The following AKAP9 variants were observed in gnomAD, a reference collection of about 807,000 sequenced individuals.
AKAP9 encodes A-kinase anchoring protein 9, also known as A-kinase anchor protein 9.
A neutral mutation model predicts 488.5 loss-of-function variants in AKAP9; 311 were observed. That is an observed-to-expected ratio of 0.64 (90% CI 0.58 to 0.70). The LOEUF (loss-of-function observed/expected upper bound fraction) is 0.70, where lower values mean the gene tolerates loss of function less well. Ranked by LOEUF, AKAP9 falls within the 30% of genes least tolerant of loss-of-function variation. The pLI is 0.00. For missense variants in AKAP9, 4,215 were observed against 4,374.5 expected (o/e 0.96, Z 1.03); for synonymous variants, 1,462 against 1,483.5 (o/e 0.99, Z 0.33).
At chr7:92,024,319 C>T (rs1003369305) in intron 14 of AKAP9, among the ~76,000 whole-genome samples, 2 of 151,184 alleles carry the variant, frequency 1.3e-5, no homozygotes, top group African/African-American at 4.9e-5. Flanking sequence ...GGCTGAGGCA[C>T]GAGAATCACT....
rs77191575 is a variant in AKAP9 at position 92,106,819 on chromosome 7, A to T, written c.11417-474A>T. On this transcript the variant is annotated intron_variant, in intron 47 of 49. Transcript: ENST00000356239. ...ATAGATTTGGTACCCTACACAAAGT[A>T]TTTTGAAATATCATTACACTGAAAC... 2.4e-3 allele frequency among the ~76,000 whole-genome samples: 368 copies of T among 152,346 alleles called. 1 individual carries two copies. The highest frequency in any genetic ancestry group is 8.3e-3 in the African/African-American group (346 of 41,576).
intron 1 of AKAP9, among the ~76,000 whole-genome samples, chr7:91,945,697 A>G (rs572171230): frequency 6.6e-6 from 1 of 152,294 alleles, no homozygotes; most frequent in East Asian, 1.9e-4. Flanking sequence ...TATTAAGTAA[A>G]TATTTTCAGA....
intron 46 of AKAP9, among the ~76,000 whole-genome samples, chr7:92,104,978 TGA>T (rs1818291310): frequency 2.6e-5 from 4 of 152,314 alleles, no homozygotes. Flanking sequence ...AGAGGCTTCA[TGA>T]GAGCGGTGTA....
chr7:91,978,647 A>G lies in AKAP9; in HGVS notation c.307-1642A>G, dbSNP rs144537568. On this transcript the variant is annotated intron_variant, in intron 2 of 49. Coordinates refer to ENST00000356239, the MANE Select transcript of AKAP9 (RefSeq NM_005751.5). The stretch of plus-strand genomic sequence containing the variant: ...TGCTTTTGTAAACTGTAAAGGTGTT[A>G]TAACAAAAGTGGTTATTTTTTCTTT... Among the ~76,000 whole-genome samples the G allele has an allele frequency of 7.2e-5, 11 of 152,348 alleles. No individual in the cohort carries two copies. In the East Asian group the frequency reaches 1.9e-3, roughly 27 times the overall value.
At chr7:91,995,925 A>G in intron 7 of AKAP9, 125 bp downstream of exon 7, 1 of 717,104 alleles carries the variant, frequency 1.4e-6, no homozygotes, top group Admixed American at 2.8e-5. Flanking sequence ...TCTTTGTGTA[A>G]TTTATTTCAA....
At chr7:92,072,078 A>T (rs1391362761) in intron 28 of AKAP9, among the ~76,000 whole-genome samples, 17 of 152,202 alleles carry the variant, frequency 1.1e-4, no homozygotes, top group Admixed American at 1.1e-3. Flanking sequence ...AGTAATTTAT[A>T]TGTTGCCTAA....
In AKAP9 at chr7:92,002,711, G is replaced by A. The variant is rs543078063; in HGVS notation, c.2794G>A (p.Glu932Lys). 5.4e-5 allele frequency: 87 copies of A among 1,613,632 alleles called. 1 individual carries two copies. Among genetic ancestry groups the A allele is most frequent in the Non-Finnish European group, 7.2e-5 (85 of 1,179,710 alleles). The stretch of plus-strand genomic sequence containing the variant: ...TGTAGCAGAAACATTGGAAATGGGT[G>A]AGGTTGTTGAAAAGGATACAACAGA... ...TFVAETLEMGEVVEKDTTELM... is the reference protein window; with the variant it reads ...TFVAETLEMGKVVEKDTTELM... Residue 932 changes from glutamate to lysine, a missense_variant, in exon 8 of 50, where the codon GAG (glutamate) becomes AAG (lysine). Coordinates refer to ENST00000356239, the MANE Select transcript of AKAP9 (RefSeq NM_005751.5).
intron 35 of AKAP9, among the ~76,000 whole-genome samples, 185 bp from the exon 36 acceptor site, chr7:92,085,310 G>A (rs1421813378): frequency 6.6e-6 from 1 of 152,178 alleles, no homozygotes; most frequent in Non-Finnish European, 1.5e-5. Context: ...TGAGAGCTAT[G>A]GAAAGTCATA....
chr7:92,001,428 A>G lies in AKAP9; in HGVS notation c.1511A>G (p.Asp504Gly). 1 of 1,613,860 alleles carries G rather than the reference A, an allele frequency of 6.2e-7. No individual in the cohort carries two copies. Among genetic ancestry groups the G allele is most frequent in the Non-Finnish European group, 8.5e-7 (1 of 1,179,826 alleles). Residue 504 changes from aspartate to glycine, a missense_variant, in exon 8 of 50, where the codon GAT becomes GGT. Transcript: ENST00000356239. ...AINELNIKLQ[D>G]TNSQKEKLKE... ...AATGAACTGAATATAAAATTGCAAGATACTAACTCTCAAAAGGAAAAACTC... is the reference window on the plus strand; with the variant it reads ...AATGAACTGAATATAAAATTGCAAGGTACTAACTCTCAAAAGGAAAAACTC...
rs746465984 is a variant in AKAP9, at chr7:92,042,090, G to T, written c.4962G>T (p.Arg1654Ser). ...DNENLVSERE[R>S]VLLEELEALK... ...AAAACCTGGTTTCAGAGAGAGAGAG[G>T]GTGCTTTTAGAGGAGCTGGAAGCAC... Residue 1654 changes from arginine (R) to serine (S), a missense_variant, in exon 19 of 50, where the codon AGG becomes AGT. Coordinates refer to ENST00000356239, the MANE Select transcript of AKAP9 (RefSeq NM_005751.5). The T allele has an allele frequency of 1.9e-6, 3 of 1,613,702 alleles. No homozygotes were observed. The Admixed American group carries it at 5.0e-5, about 27-fold the overall frequency.
chr7:91,984,646 G>GT (rs565672532), intron 3 of AKAP9, among the ~76,000 whole-genome samples: 157 of 152,116 alleles, frequency 1.0e-3, no homozygotes, highest in African/African-American at 3.7e-3. Context: ...CTTTAAAGTC[G>GT]TTTTTTTCCA....
chr7:91,983,797 C>A (rs574384949), intron 3 of AKAP9, among the ~76,000 whole-genome samples: 1 of 152,336 alleles, frequency 6.6e-6, no homozygotes, highest in East Asian at 1.9e-4. Context: ...TCTCCAGCAT[C>A]TGTTGTTTCC....
At chr7:92,068,170 C>G (rs1347242786) in intron 26 of AKAP9, among the ~76,000 whole-genome samples, 6 of 151,328 alleles carry the variant, frequency 4.0e-5, no homozygotes, top group Non-Finnish European at 7.4e-5. Flanking sequence ...ACCATCCTGG[C>G]TAACACAGTG....
At chr7:92,062,076 A>G (rs910507552) in intron 23 of AKAP9, among the ~76,000 whole-genome samples, 198 bp from the exon 24 acceptor site, 5 of 152,222 alleles carry the variant, frequency 3.3e-5, no homozygotes, top group African/African-American at 7.2e-5. Context: ...AATGGTAAAC[A>G]AGGAAATGTC....
At chr7:91,983,342 G>A (rs1295996006) in intron 3 of AKAP9, among the ~76,000 whole-genome samples, 5 of 152,090 alleles carry the variant, frequency 3.3e-5, no homozygotes, top group African/African-American at 4.8e-5. Context: ...CAGAATGATG[G>A]TTTCCAGCTT....
At chr7:91,987,556 T>C (rs1347408650) in intron 3 of AKAP9, among the ~76,000 whole-genome samples, 1 of 152,224 alleles carries the variant, frequency 6.6e-6, no homozygotes, top group African/African-American at 2.4e-5. Flanking sequence ...AATTTATAGA[T>C]TCACTATGTC....
At chr7:92,018,952 C>T (rs1801933359) in intron 12 of AKAP9, among the ~76,000 whole-genome samples, 1 of 152,168 alleles carries the variant, frequency 6.6e-6, no homozygotes, top group Non-Finnish European at 1.5e-5. Context: ...CTTCTCCTCT[C>T]ATATCAGTTT....
At chr7:91,984,066 T>C (rs1475949746) in intron 3 of AKAP9, among the ~76,000 whole-genome samples, 1 of 152,246 alleles carries the variant, frequency 6.6e-6, no homozygotes, top group Non-Finnish European at 1.5e-5. Flanking sequence ...AAAAATTTTC[T>C]CCCATTCTGT....
At chr7:92,077,443 A>C (rs1193886249) in intron 29 of AKAP9, among the ~76,000 whole-genome samples, 1 of 152,000 alleles carries the variant, frequency 6.6e-6, no homozygotes, top group Non-Finnish European at 1.5e-5. Context: ...ATAATACTCA[A>C]CAGAGGAACA....
Sources: gnomAD v4.1 joint callset for allele counts (sites outside exome capture counted in the v4.1 genomes callset) on GRCh38, gnomAD v4.1.1 for gene constraint, MANE v1.5 for transcripts, NCBI Gene and HGNC (gene_info 2026-07-23, HGNC 2026-07-21) for gene names.